Variants in DCAF8L2 observed in about 807,000 individuals in gnomAD.
DCAF8L2 encodes the protein DDB1- and CUL4-associated factor 8-like protein 2.
For missense variants in DCAF8L2, 430 were observed against 490.7 expected (o/e 0.88, Z 1.17); for synonymous variants, 200 against 190.9 (o/e 1.05, Z -0.39).
the DCAF8L2 span, among the ~76,000 whole-genome samples, chrX:27,565,483 TTA>T: frequency 1.8e-5 from 2 of 112,205 alleles, no homozygotes; most frequent in East Asian, 5.6e-4. Flanking sequence ...ATTTTTACTC[TTA>T]TGTTATCAGG....
At chrX:27,591,010 T>TATATATATATATATATATAA (rs1304795146) in intron 1 of DCAF8L2, among the ~76,000 whole-genome samples, 1 of 97,249 alleles carries the variant, frequency 1.0e-5, no homozygotes, top group Non-Finnish European at 2.1e-5. Flanking sequence ...TATATATATA[T>TATATATATATATATATATAA]ATATAAATAA....
intron 1 of DCAF8L2, among the ~76,000 whole-genome samples, chrX:27,594,780 A>T (rs766962483): frequency 4.5e-5 from 5 of 111,915 alleles, no homozygotes; most frequent in African/African-American, 6.5e-5. Flanking sequence ...CATCAATAAC[A>T]GGGCAAGCAT....
At chrX:27,656,994 A>G (rs188503780) in intron 2 of DCAF8L2, among the ~76,000 whole-genome samples, 1 of 110,469 alleles carries the variant, frequency 9.1e-6, no homozygotes, top group East Asian at 2.9e-4. Context: ...AGGCAGACCC[A>G]CCCTTAATTT....
In DCAF8L2 at chrX:27,727,767, G is replaced by A. The variant is rs185143313; in HGVS notation, c.-59+11596G>A. On this transcript the variant is annotated intron_variant, in intron 4 of 4. Coordinates refer to ENST00000451261, the MANE Select transcript of DCAF8L2 (RefSeq NM_001353450.2). ...AAAATTGGCATCTTTTCAATAATGA[G>A]TCTTCCAATCTAAGAACATGTATAT... is the stretch of plus-strand genomic sequence containing the variant. Among the ~76,000 whole-genome samples the A allele has an allele frequency of 2.2e-3, 246 of 111,264 alleles. 1 individual carries two copies. Among genetic ancestry groups the A allele is most frequent in the Non-Finnish European group, 4.0e-3 (211 of 52,920 alleles).
chrX:27,478,153 C>A, the DCAF8L2 span, among the ~76,000 whole-genome samples: 1 of 112,055 alleles, frequency 8.9e-6, no homozygotes, highest in Admixed American at 9.5e-5. Flanking sequence ...AACTCTATAC[C>A]TCCAGGTAAG....
At chrX:27,508,175 C>G in the DCAF8L2 span, among the ~76,000 whole-genome samples, 1 of 111,769 alleles carries the variant, frequency 8.9e-6, no homozygotes, top group Admixed American at 9.6e-5. Flanking sequence ...AGTTGCAAAG[C>G]TAGGATGCAA....
At chrX:27,660,277 G>A (rs918916618) in intron 2 of DCAF8L2, among the ~76,000 whole-genome samples, 1 of 111,952 alleles carries the variant, frequency 8.9e-6, no homozygotes, top group African/African-American at 3.3e-5. Flanking sequence ...ACCTGTCTCG[G>A]TCTCCCAAAG....
chrX:27,566,278 T>C, the DCAF8L2 span, among the ~76,000 whole-genome samples: 8 of 111,549 alleles, frequency 7.2e-5, no homozygotes, highest in Non-Finnish European at 5.7e-5. Context: ...CAGCTTGAGT[T>C]TTCAGGCTGC....
chrX:27,593,247 T>C (rs923247999), intron 1 of DCAF8L2, among the ~76,000 whole-genome samples: 13 of 111,853 alleles, frequency 1.2e-4, no homozygotes, highest in African/African-American at 4.2e-4. Flanking sequence ...CTCCCACCCT[T>C]GGCAACCACC....
the DCAF8L2 span, among the ~76,000 whole-genome samples, chrX:27,501,379 A>G: frequency 0.22 from 24,109 of 109,175 alleles, 2,534 homozygotes; most frequent in African/African-American, 0.39. Context: ...ATTTAGGGAT[A>G]ACACATACAT....
intron 1 of DCAF8L2, among the ~76,000 whole-genome samples, chrX:27,592,823 G>T (rs1209371247): frequency 9.8e-6 from 1 of 102,059 alleles, no homozygotes; most frequent in Non-Finnish European, 2.0e-5. Flanking sequence ...TTTTGAGACA[G>T]AGTTTCACTC....
chrX:27,476,281 T>A, the DCAF8L2 span, among the ~76,000 whole-genome samples: 1 of 111,062 alleles, frequency 9.0e-6, no homozygotes, highest in Non-Finnish European at 1.9e-5. Flanking sequence ...TAAAAAAAAG[T>A]TACCGAAATC....
chrX:27,585,086 A>AAC, the DCAF8L2 span, among the ~76,000 whole-genome samples: 1 of 110,947 alleles, frequency 9.0e-6, no homozygotes, highest in African/African-American at 3.3e-5. Context: ...TGAACTAAAA[A>AAC]ATATATAGAA....
In DCAF8L2 at chrX:27,714,595, T is replaced by C. The variant is rs145394642; in HGVS notation, c.-142-1493T>C. 2.1e-3 allele frequency among the ~76,000 whole-genome samples: 241 copies of C among 112,464 alleles called. 5 individuals are homozygous for C. The East Asian group carries it at 0.062, about 29-fold the overall frequency. On this transcript the variant is annotated intron_variant, in intron 3 of 4. Coordinates refer to ENST00000451261, the MANE Select transcript of DCAF8L2 (RefSeq NM_001353450.2). ...CACCACTAAGATTTAGAAGGTATTC[T>C]ATTTTGGTGGATTACTTCTATGGCA... is the stretch of plus-strand genomic sequence containing the variant.
At chrX:27,653,027 T>C (rs1327682448) in intron 2 of DCAF8L2, among the ~76,000 whole-genome samples, 2 of 112,111 alleles carry the variant, frequency 1.8e-5, no homozygotes, top group Non-Finnish European at 1.9e-5. Flanking sequence ...TATTTTCTTA[T>C]ATAGACCTAA....
At chrX:27,567,533 A>T in the DCAF8L2 span, among the ~76,000 whole-genome samples, 1 of 78,160 alleles carries the variant, frequency 1.3e-5, no homozygotes, top group Non-Finnish European at 2.4e-5. Flanking sequence ...TTGTCTAAGG[A>T]TCACCACTGT....
chrX:27,507,214 C>T, the DCAF8L2 span, among the ~76,000 whole-genome samples: 1 of 111,939 alleles, frequency 8.9e-6, no homozygotes, highest in Non-Finnish European at 1.9e-5. Context: ...ATAACAGTTT[C>T]ATCTCTATCC....
rs1299684611 is a variant in DCAF8L2, at chrX:27,692,639, G to A, written c.-143+14727G>A. Reference sequence around the variant, plus strand: ...GAAAGAGTTAGTTTGATTCTCAAAGGTTTCATGACTCTAAGCAGTGAAGAA... The same window carrying A: ...GAAAGAGTTAGTTTGATTCTCAAAGATTTCATGACTCTAAGCAGTGAAGAA... On this transcript the variant is annotated intron_variant, in intron 3 of 4. Transcript: ENST00000451261. 2.7e-5 allele frequency among the ~76,000 whole-genome samples: 3 copies of A among 111,634 alleles called. No homozygotes were observed. The Admixed American group carries it at 2.9e-4, about 11-fold the overall frequency.
intron 4 of DCAF8L2, among the ~76,000 whole-genome samples, chrX:27,739,656 C>T (rs1921739960): frequency 8.9e-6 from 1 of 111,887 alleles, no homozygotes; most frequent in African/African-American, 3.3e-5. Context: ...ATTGCCAACT[C>T]AGTGCTTCTG....
Sources: gnomAD v4.1 joint callset for allele counts (sites outside exome capture counted in the v4.1 genomes callset) on GRCh38, gnomAD v4.1.1 for gene constraint, MANE v1.5 for transcripts, NCBI Gene and HGNC (gene_info 2026-07-23, HGNC 2026-07-21) for gene names.